The following SH3RF3 variants were observed in gnomAD, a reference collection of about 807,000 sequenced individuals.
SH3RF3 encodes the protein SH3 domain containing ring finger 3.
A neutral mutation model predicts 66.3 loss-of-function variants in SH3RF3; 29 were observed. That is an observed-to-expected ratio of 0.44 (90% CI 0.33 to 0.60). SH3RF3 has a LOEUF of 0.60. Among genes scored for constraint, SH3RF3 ranks in the 20% least tolerant of loss-of-function variants. The pLI, the probability that SH3RF3 is intolerant of heterozygous loss-of-function variation, is 0.04. For missense variants in SH3RF3, 1,194 were observed against 1,190.9 expected, an observed-to-expected ratio of 1.00 and a Z score of -0.04; for synonymous variants, 583 against 532.0, an observed-to-expected ratio of 1.10 and a Z score of -1.32.
intron 1 of SH3RF3, among the ~76,000 whole-genome samples, chr2:109,258,067 C>T (rs887808908): frequency 1.3e-5 from 2 of 152,198 alleles, no homozygotes; most frequent in Non-Finnish European, 2.9e-5. Context: ...GCCCTGCCAT[C>T]CCTGGGCTAC....
chr2:109,463,010 A>G (rs79105632), intron 8 of SH3RF3, among the ~76,000 whole-genome samples: 2 of 152,334 alleles, frequency 1.3e-5, no homozygotes, highest in East Asian at 1.9e-4. Flanking sequence ...GCCTGGGAGA[A>G]AGATTAACAG....
At chr2:109,465,931 G>C (rs372548742) in intron 8 of SH3RF3, among the ~76,000 whole-genome samples, 5 of 152,164 alleles carry the variant, frequency 3.3e-5, no homozygotes, top group Middle Eastern at 3.4e-3. Flanking sequence ...CCGTCCCCAC[G>C]ATCCAGTCAC....
intron 1 of SH3RF3, among the ~76,000 whole-genome samples, chr2:109,212,536 G>A (rs1195212101): frequency 3.9e-5 from 6 of 152,210 alleles, no homozygotes; most frequent in Non-Finnish European, 8.8e-5. Context: ...GCTTTGCCCA[G>A]CTGGCTGGAG....
chr2:109,401,435 C>T (rs1676310414), intron 4 of SH3RF3, among the ~76,000 whole-genome samples: 1 of 152,218 alleles, frequency 6.6e-6, no homozygotes, highest in African/African-American at 2.4e-5. Context: ...AGTCAGGGAC[C>T]CCCATCAACC....
intron 8 of SH3RF3, among the ~76,000 whole-genome samples, chr2:109,464,325 A>G (rs1004116284): frequency 2.6e-5 from 4 of 152,248 alleles, no homozygotes; most frequent in Non-Finnish European, 4.4e-5. Context: ...ACTCACGTAC[A>G]ATGTGAACAC....
chr2:109,383,708 A>G (rs1675753430), intron 3 of SH3RF3, among the ~76,000 whole-genome samples: 1 of 152,204 alleles, frequency 6.6e-6, no homozygotes, highest in Admixed American at 6.5e-5. Context: ...CAACCCCCGC[A>G]GAGGAGCTCA....
rs539323068 is a variant in SH3RF3 at position 109,444,188 on chromosome 2, C to T, written c.1829-4982C>T. On this transcript the variant is annotated intron_variant, in intron 7 of 9. Coordinates refer to ENST00000309415, the MANE Select transcript of SH3RF3 (RefSeq NM_001099289.3). ...GAACAAATCAAAAGGGATATTATAA[C>T]GCATTTTGAGCTGAATGAAATGAAA... is the stretch of plus-strand genomic sequence containing the variant. 1.4e-3 allele frequency among the ~76,000 whole-genome samples: 220 copies of T among 152,214 alleles called. 1 individual carries two copies. Among genetic ancestry groups the T allele is most frequent in the Middle Eastern group, 6.8e-3 (2 of 294 alleles).
chr2:109,400,667 C>T (rs550477414), intron 4 of SH3RF3, among the ~76,000 whole-genome samples: 47 of 141,600 alleles, frequency 3.3e-4, no homozygotes, highest in East Asian at 8.0e-4. Flanking sequence ...TTTATACATG[C>T]GCACACACAC....
intron 1 of SH3RF3, among the ~76,000 whole-genome samples, chr2:109,344,770 A>G (rs948508706): frequency 6.6e-6 from 1 of 152,106 alleles, no homozygotes; most frequent in African/African-American, 2.4e-5. Context: ...GGATGACTGA[A>G]GGTCCTTGCC....
At chr2:109,204,281 A>G (rs145068452) in intron 1 of SH3RF3, among the ~76,000 whole-genome samples, 1 of 152,264 alleles carries the variant, frequency 6.6e-6, no homozygotes, top group African/African-American at 2.4e-5. Context: ...ATTCCTAGAT[A>G]ATTTAGCAGA....
Position 109,274,423 on chromosome 2 carries a change from C to T in SH3RF3, c.574-73251C>T, listed in dbSNP as rs369063825. Among the ~76,000 whole-genome samples, 188 of 152,280 alleles carry T rather than the reference C, an allele frequency of 1.2e-3. 1 individual carries two copies. The highest frequency in any genetic ancestry group is 4.2e-3 in the African/African-American group (174 of 41,542). ...GATGAGTGGATAAACAAAATGTGGC[C>T]TGTGCCTGCAATGGACTTTTATTCA... On this transcript the variant is annotated intron_variant, in intron 1 of 9. Coordinates refer to ENST00000309415, the MANE Select transcript of SH3RF3 (RefSeq NM_001099289.3).
chr2:109,482,629 C>T (rs2104767677), intron 8 of SH3RF3, among the ~76,000 whole-genome samples: 1 of 152,332 alleles, frequency 6.6e-6, no homozygotes, highest in Non-Finnish European at 1.5e-5. Flanking sequence ...TCTTCACCAT[C>T]GTTTTGAGTG....
chr2:109,318,975 T>A (rs1208777830), intron 1 of SH3RF3, among the ~76,000 whole-genome samples: 1 of 152,224 alleles, frequency 6.6e-6, no homozygotes, highest in Non-Finnish European at 1.5e-5. Context: ...ATTTCAAGTG[T>A]CTGTCCCAGA....
At chr2:109,269,598 C>T (rs79457163) in intron 1 of SH3RF3, among the ~76,000 whole-genome samples, 10 of 152,084 alleles carry the variant, frequency 6.6e-5, no homozygotes, top group African/African-American at 2.4e-4. Flanking sequence ...CTGGCCAACA[C>T]GGTGAAACCC....
intron 1 of SH3RF3, among the ~76,000 whole-genome samples, chr2:109,271,845 A>G (rs1220570589): frequency 1.3e-5 from 2 of 152,246 alleles, no homozygotes; most frequent in South Asian, 2.1e-4. Context: ...TAAGTATCCT[A>G]TAACTGGAGT....
Position 109,391,843 on chromosome 2 carries a change from C to CT in SH3RF3, c.946-6737dup, listed in dbSNP as rs796817341. On this transcript the variant is annotated intron_variant, in intron 3 of 9. Transcript: ENST00000309415. The stretch of plus-strand genomic sequence containing the variant: ...TTCAACCTCCTAAAAATATGGTCTT[C>CT]TTTTTTTTTTAATTAAGACAGGGTC... 6.2e-3 allele frequency among the ~76,000 whole-genome samples: 929 copies of CT among 150,002 alleles called. 10 individuals are homozygous for CT. The highest frequency in any genetic ancestry group is 0.022 in the African/African-American group (899 of 40,908).
intron 1 of SH3RF3, among the ~76,000 whole-genome samples, chr2:109,167,429 C>T (rs981876110): frequency 6.6e-6 from 1 of 152,128 alleles, no homozygotes. Context: ...TATATCCTGG[C>T]AAGGGGTGAT....
intron 8 of SH3RF3, among the ~76,000 whole-genome samples, chr2:109,471,374 G>C (rs543407128): frequency 1.2e-4 from 18 of 152,298 alleles, no homozygotes; most frequent in African/African-American, 4.3e-4. Context: ...GGCGGCAGGA[G>C]AGAGAAGAGA....
chr2:109,326,910 G>A (rs1228501370), intron 1 of SH3RF3, among the ~76,000 whole-genome samples: 4 of 152,218 alleles, frequency 2.6e-5, no homozygotes, highest in South Asian at 2.1e-4. Context: ...ACCTGAGCAC[G>A]CTGGCTCTAC....
Sources: gnomAD v4.1 joint callset for allele counts (sites outside exome capture counted in the v4.1 genomes callset) on GRCh38, gnomAD v4.1.1 for gene constraint, MANE v1.5 for transcripts, NCBI Gene and HGNC (gene_info 2026-07-23, HGNC 2026-07-21) for gene names.